GAN: variants seen among roughly 807,000 people sequenced by gnomAD.
The protein encoded by GAN is gigaxonin.
In GAN, 48 loss-of-function variants were observed where a neutral mutation model predicts 71.3. The ratio of observed to expected loss-of-function variants is 0.67; its 90% CI spans 0.53 to 0.86. The LOEUF is 0.86. Ranked by LOEUF, GAN falls within the 40% of genes least tolerant of loss-of-function variation. The pLI is 0.00. For missense variants in GAN, 928 were observed against 770.1 expected (o/e 1.21, Z -2.43); for synonymous variants, 386 against 276.8 (o/e 1.39, Z -3.92).
intron 2 of GAN, among the ~76,000 whole-genome samples, chr16:81,354,038 A>G (rs755915831): frequency 2.6e-5 from 4 of 152,174 alleles, no homozygotes; most frequent in South Asian, 4.1e-4. Flanking sequence ...GTACTTAATC[A>G]TGTTGACTTT....
chr16:81,340,105 G>A (rs954573065), intron 1 of GAN, among the ~76,000 whole-genome samples: 3 of 152,042 alleles, frequency 2.0e-5, no homozygotes, highest in Non-Finnish European at 4.4e-5. Flanking sequence ...ATATTTGTTC[G>A]TTTCTTTGTT....
At position 81,365,400 on chromosome 16, in the gene GAN, G is replaced by A; in HGVS notation, c.1424G>A (p.Gly475Glu). Residue 475 changes from glycine (G) to glutamate (E), a missense_variant, in exon 9 of 11, where the codon GGA (glycine) becomes GAA (glutamate). Coordinates refer to ENST00000648994, the MANE Select transcript of GAN (RefSeq NM_022041.4). ...GCTATGGAGCTGTATGTGTTTGGGG[G>A]AGTCCGAAGTCGTGAGGACGCCCAG... ...GVAMELYVFG[G>E]VRSREDAQGS... is the part of the protein sequence containing the mutation. 2 of 1,613,764 alleles carry A rather than the reference G, an allele frequency of 1.2e-6. No individual in the cohort carries two copies. The highest frequency in any genetic ancestry group is 1.7e-6 in the Non-Finnish European group (2 of 1,179,958).
intron 5 of GAN, among the ~76,000 whole-genome samples, chr16:81,361,092 G>T (rs568134091): frequency 6.6e-6 from 1 of 152,174 alleles, no homozygotes; most frequent in Non-Finnish European, 1.5e-5. Context: ...GTATGTGGTG[G>T]CATGTGCCTG....
In GAN at chr16:81,352,291, C is replaced by T. The variant is rs543393643; in HGVS notation, c.282+594C>T. On this transcript the variant is annotated intron_variant, in intron 2 of 10. Transcript: ENST00000648994. The stretch of plus-strand genomic sequence containing the variant: ...CCATGTCCACTTGAACCTCTGGGGA[C>T]TTTGTGATACCCAGGGAGGAGAATG... Among the ~76,000 whole-genome samples, 27 of 152,296 alleles carry T rather than the reference C, an allele frequency of 1.8e-4. 1 individual carries two copies. Among genetic ancestry groups the T allele is most frequent in the South Asian group, 4.2e-4 (2 of 4,818 alleles).
chr16:81,326,109 G>A (rs890156968), intron 1 of GAN, among the ~76,000 whole-genome samples: 5 of 152,132 alleles, frequency 3.3e-5, no homozygotes, highest in South Asian at 2.1e-4. Context: ...GTGCATCATC[G>A]CCTCATTTAG....
At chr16:81,353,215 CCA>C (rs1452749865) in intron 2 of GAN, among the ~76,000 whole-genome samples, 1 of 151,120 alleles carries the variant, frequency 6.6e-6, no homozygotes, top group Non-Finnish European at 1.5e-5. Context: ...GGCGTGAACC[CCA>C]GGGGGCGGAG....
chr16:81,360,068 T>TGGAC (rs58464258), intron 5 of GAN, among the ~76,000 whole-genome samples: 8 of 145,816 alleles, frequency 5.5e-5, no homozygotes, highest in Non-Finnish European at 1.2e-4. Context: ...GATGGATGGA[T>TGGAC]AGATGGATGG....
chr16:81,356,795 A>G lies in GAN; in HGVS notation c.644A>G (p.Lys215Arg), dbSNP rs781645196. 1 of 1,610,046 alleles carries G rather than the reference A, an allele frequency of 6.2e-7. No homozygotes were observed. Among genetic ancestry groups the G allele is most frequent in the Non-Finnish European group, 8.5e-7 (1 of 1,176,350 alleles). The change falls in exon 4 of 11, where the codon AAG becomes AGG. Residue 215 changes from lysine to arginine, a missense_variant. Lys to Arg is a conservative substitution (Grantham distance 26). Coordinates refer to ENST00000648994, the MANE Select transcript of GAN (RefSeq NM_022041.4). ...HDTEIRKVHMKDVMSALWVSG... is the reference protein window; with the variant it reads ...HDTEIRKVHMRDVMSALWVSG... ...TTCCCTCTTCTGCAGGTCCACATGA[A>G]GGATGTTATGTCAGCTCTGTGGGTT...
chr16:81,336,739 A>G (rs1567483987), intron 1 of GAN, among the ~76,000 whole-genome samples: 1 of 152,042 alleles, frequency 6.6e-6, no homozygotes, highest in African/African-American at 2.4e-5. Context: ...CGGCCTCCAA[A>G]AGTGTTGGGA....
intron 2 of GAN, 81 bp from the exon 3 acceptor site, chr16:81,354,324 A>T (rs1464626033): frequency 2.3e-6 from 2 of 858,796 alleles, no homozygotes. Context: ...TGGAAATTTC[A>T]TGTGGCCCCA....
At position 81,325,265 on chromosome 16, in the gene GAN, A is replaced by T. The variant is rs1452921028; in HGVS notation, c.167+9985A>T. 2.0e-5 allele frequency among the ~76,000 whole-genome samples: 3 copies of T among 152,370 alleles called. No homozygotes were observed. The East Asian group carries it at 5.8e-4, about 29-fold the overall frequency. ...TAATTTTACAGATACTTCTAGCTGT[A>T]GGAATTGCGAGGGGAAGAACTACTT... is the stretch of plus-strand genomic sequence containing the variant. On this transcript the variant is annotated intron_variant, in intron 1 of 10. Transcript: ENST00000648994.
intron 3 of GAN, among the ~76,000 whole-genome samples, chr16:81,355,457 C>A (rs1910455947): frequency 6.6e-6 from 1 of 152,178 alleles, no homozygotes; most frequent in African/African-American, 2.4e-5. Flanking sequence ...CCCAACCTTC[C>A]TGGCTGAAGT....
At chr16:81,374,371 A>C (rs962941920) in intron 9 of GAN, among the ~76,000 whole-genome samples, 20 of 152,148 alleles carry the variant, frequency 1.3e-4, no homozygotes, top group African/African-American at 4.3e-4. Flanking sequence ...AGAATTTGCA[A>C]AACGATTTTC....
chr16:81,357,785 A>C, intron 4 of GAN, 25 bp from the exon 5 acceptor site: 1 of 1,605,804 alleles, frequency 6.2e-7, no homozygotes. Context: ...CACATTAACT[A>C]CTGATCACTT....
chr16:81,333,546 G>A (rs1909658693), intron 1 of GAN, among the ~76,000 whole-genome samples: 1 of 152,122 alleles, frequency 6.6e-6, no homozygotes, highest in East Asian at 1.9e-4. Context: ...GTAACACAAT[G>A]GGTACTTTCT....
rs1173095529 is a variant in GAN, at chr16:81,388,415, G to C, written c.*10819G>C. Reference sequence around the variant, plus strand: ...CAACCAGCTGGCCCTGGCTGTGAGAGTCAGATCTGTCCCCAAGGCTCCAGG... The same window carrying C: ...CAACCAGCTGGCCCTGGCTGTGAGACTCAGATCTGTCCCCAAGGCTCCAGG... On this transcript the variant is annotated 3_prime_UTR_variant, in exon 11 of 11. Coordinates refer to ENST00000648994, the MANE Select transcript of GAN (RefSeq NM_022041.4). The C allele has an allele frequency of 6.6e-6, 1 of 152,540 alleles. No homozygotes were observed. Among genetic ancestry groups the C allele is most frequent in the Non-Finnish European group, 1.5e-5 (1 of 68,318 alleles). The allele number at this position is 152,540 out of a possible 1,614,324, so 9.4% of individuals were successfully genotyped here.
chr16:81,340,787 T>G (rs1171380431), intron 1 of GAN, among the ~76,000 whole-genome samples: 1 of 151,896 alleles, frequency 6.6e-6, no homozygotes, highest in Non-Finnish European at 1.5e-5. Flanking sequence ...GGATGGATAA[T>G]GAATTTGATG....
At chr16:81,343,710 G>C (rs910460468) in intron 1 of GAN, among the ~76,000 whole-genome samples, 1 of 152,162 alleles carries the variant, frequency 6.6e-6, no homozygotes, top group African/African-American at 2.4e-5. Context: ...ACTGACACAA[G>C]ACAAGGATGC....
chr16:81,318,310 T>G (rs758544129), intron 1 of GAN, among the ~76,000 whole-genome samples: 7 of 152,214 alleles, frequency 4.6e-5, no homozygotes, highest in African/African-American at 1.7e-4. Context: ...TTGTTTAATG[T>G]CTGTGTTTGG....
Sources: gnomAD v4.1 joint callset for allele counts (sites outside exome capture counted in the v4.1 genomes callset) on GRCh38, gnomAD v4.1.1 for gene constraint, MANE v1.5 for transcripts, NCBI Gene and HGNC (gene_info 2026-07-23, HGNC 2026-07-21) for gene names.